Variants in FILIP1L observed in about 807,000 individuals in gnomAD.
FILIP1L encodes filamin A interacting protein 1 like, also known as filamin A-interacting protein 1-like.
FILIP1L carries 55 observed loss-of-function variants against 96.6 expected under a neutral mutation model. The observed-to-expected ratio is 0.57, with a 90% confidence interval of 0.46 to 0.71. The LOEUF is 0.71. FILIP1L is among the 30% of genes least tolerant of loss of function. FILIP1L has a pLI of 0.00. For missense variants in FILIP1L, 1,304 were observed against 1,321.2 expected (o/e 0.99, Z 0.20); for synonymous variants, 467 against 473.9 (o/e 0.99, Z 0.19).
chr3:99,847,300 A>G (rs1943408548), intron 5 of FILIP1L, among the ~76,000 whole-genome samples: 3 of 151,882 alleles, frequency 2.0e-5, no homozygotes, highest in Admixed American at 1.3e-4. Flanking sequence ...AAGTAATTCA[A>G]ACTGTTTTGG....
intron 4 of FILIP1L, among the ~76,000 whole-genome samples, chr3:99,861,677 C>T (rs978003426): frequency 6.6e-6 from 1 of 152,154 alleles, no homozygotes; most frequent in Non-Finnish European, 1.5e-5. Flanking sequence ...CAAGAGATTG[C>T]AGTAAACAGT....
chr3:99,956,073 C>A (rs1322250041), intron 1 of FILIP1L, among the ~76,000 whole-genome samples: 1 of 152,160 alleles, frequency 6.6e-6, no homozygotes, highest in African/African-American at 2.4e-5. Context: ...AAGTTTCCAG[C>A]TTCAAATGGG....
chr3:99,927,710 C>CTTA (rs1178399804), intron 3 of FILIP1L, among the ~76,000 whole-genome samples: 1 of 151,748 alleles, frequency 6.6e-6, no homozygotes, highest in Non-Finnish European at 1.5e-5. Flanking sequence ...CTAAGAATAC[C>CTTA]TTAGGCTATT....
At chr3:100,064,533 T>C (rs2065629218) in intron 1 of FILIP1L, among the ~76,000 whole-genome samples, 1 of 152,212 alleles carries the variant, frequency 6.6e-6, no homozygotes, top group African/African-American at 2.4e-5. Context: ...TCTTTATGTT[T>C]TGACAAATGC....
intron 1 of FILIP1L, among the ~76,000 whole-genome samples, chr3:99,970,374 C>T (rs1227119967): frequency 1.3e-5 from 2 of 152,214 alleles, no homozygotes; most frequent in Non-Finnish European, 2.9e-5. Flanking sequence ...AGACCAAACT[C>T]CTCTTAAGCA....
Position 99,850,754 on chromosome 3 carries a change from TGTCTTG to T in FILIP1L, c.916_921del (p.Gln306_Asp307del), listed in dbSNP as rs1480031159. The stretch of plus-strand genomic sequence containing the variant: ...TCATTGGTGAGCTTCGCCATAATTG[TGTCTTG>T]GTCTTGGTGAAACTTTGTGGTCTGC... On this transcript the variant is annotated inframe_deletion, in exon 5 of 6. Coordinates refer to ENST00000477258, the MANE Select transcript of FILIP1L (RefSeq NM_001387850.1). The T allele has an allele frequency of 3.1e-6, 5 of 1,614,102 alleles. No homozygotes were observed. The highest frequency in any genetic ancestry group is 4.2e-6 in the Non-Finnish European group (5 of 1,180,044).
At chr3:100,090,235 T>C (rs1217131847) in intron 1 of FILIP1L, among the ~76,000 whole-genome samples, 2 of 152,332 alleles carry the variant, frequency 1.3e-5, no homozygotes, top group East Asian at 3.9e-4. Flanking sequence ...TGCAGCTGTT[T>C]GCTATTGTTT....
chr3:99,959,627 G>A (rs985008239), intron 1 of FILIP1L, among the ~76,000 whole-genome samples: 3 of 152,134 alleles, frequency 2.0e-5, no homozygotes, highest in African/African-American at 7.2e-5. Context: ...TTAGTAATCT[G>A]TAGACCAAAA....
chr3:99,848,086 T>TA, intron 5 of FILIP1L: 1 of 1,370,602 alleles, frequency 7.3e-7, no homozygotes, highest in Non-Finnish European at 9.4e-7. Context: ...AATGAAAAGA[T>TA]ATACAGTAAG....
At chr3:99,974,304 A>G (rs546900924) in intron 1 of FILIP1L, among the ~76,000 whole-genome samples, 1 of 152,208 alleles carries the variant, frequency 6.6e-6, no homozygotes, top group Non-Finnish European at 1.5e-5. Context: ...TTGGACCTGC[A>G]GTTTTTAGAA....
intron 1 of FILIP1L, among the ~76,000 whole-genome samples, chr3:99,990,269 A>C (rs1378360743): frequency 6.6e-6 from 1 of 152,178 alleles, no homozygotes; most frequent in Non-Finnish European, 1.5e-5. Flanking sequence ...AGAGATAGAC[A>C]TTCTGTTTCT....
rs568392241 is a variant in FILIP1L at position 99,955,701 on chromosome 3, A to AT, written c.-10-24672dup. Among the ~76,000 whole-genome samples the AT allele has an allele frequency of 2.4e-3, 360 of 152,312 alleles. 1 individual carries two copies. Among genetic ancestry groups the AT allele is most frequent in the Admixed American group, 5.1e-3 (78 of 15,302 alleles). ...ACTTCCTGGAGCATTGATGATGAAG[A>AT]TCCTTCAGTGCCAATGTATTTAATT... is the stretch of plus-strand genomic sequence containing the variant. On this transcript the variant is annotated intron_variant, in intron 1 of 5. Coordinates refer to ENST00000477258, the MANE Select transcript of FILIP1L (RefSeq NM_001387850.1).
chr3:100,043,574 T>C (rs2065238440), intron 1 of FILIP1L, among the ~76,000 whole-genome samples: 1 of 152,194 alleles, frequency 6.6e-6, no homozygotes. Context: ...CTTTTAACCA[T>C]CTAACTAGCC....
chr3:99,906,209 A>G (rs1195898862), intron 4 of FILIP1L, among the ~76,000 whole-genome samples: 1 of 152,058 alleles, frequency 6.6e-6, no homozygotes, highest in Non-Finnish European at 1.5e-5. Flanking sequence ...TAAATAAGTA[A>G]ATAAATATTA....
chr3:99,875,604 CAG>C (rs529703439), intron 4 of FILIP1L, among the ~76,000 whole-genome samples: 75 of 152,246 alleles, frequency 4.9e-4, no homozygotes, highest in African/African-American at 1.7e-3. Context: ...GTATTCCTAA[CAG>C]TGTTTTTCTA....
At chr3:99,972,597 A>G (rs1021089576) in intron 1 of FILIP1L, among the ~76,000 whole-genome samples, 5 of 152,164 alleles carry the variant, frequency 3.3e-5, no homozygotes, top group African/African-American at 1.2e-4. Flanking sequence ...ATAACGGTTC[A>G]TGTTTCCATG....
At chr3:99,855,283 C>T (rs1483819109) in intron 4 of FILIP1L, among the ~76,000 whole-genome samples, 1 of 152,108 alleles carries the variant, frequency 6.6e-6, no homozygotes, top group African/African-American at 2.4e-5. Flanking sequence ...AAAATGCATA[C>T]CATAGTTGGT....
At chr3:99,880,688 A>G (rs571512935) in intron 4 of FILIP1L, among the ~76,000 whole-genome samples, 12 of 152,042 alleles carry the variant, frequency 7.9e-5, no homozygotes, top group Admixed American at 2.0e-4. Flanking sequence ...AATTAATTTA[A>G]AATTTTTTTT....
At chr3:99,909,853 C>T (rs1706736955) in intron 4 of FILIP1L, among the ~76,000 whole-genome samples, 1 of 152,156 alleles carries the variant, frequency 6.6e-6, no homozygotes, top group Admixed American at 6.5e-5. Context: ...ATGAAAGTCA[C>T]AGTCTGCAAC....
Sources: gnomAD v4.1 joint callset for allele counts (sites outside exome capture counted in the v4.1 genomes callset) on GRCh38, gnomAD v4.1.1 for gene constraint, MANE v1.5 for transcripts, NCBI Gene and HGNC (gene_info 2026-07-23, HGNC 2026-07-21) for gene names.